Variants in MTA3 observed in about 807,000 individuals in gnomAD.
MTA3 encodes metastasis-associated protein MTA3.
Under a neutral mutation model 83.5 loss-of-function variants are expected in MTA3, and 34 were observed. That is an observed-to-expected ratio of 0.41 (90% CI 0.31 to 0.54). The LOEUF (loss-of-function observed/expected upper bound fraction) is 0.54, where lower values mean the gene tolerates loss of function less well. MTA3 is among the 20% of genes least tolerant of loss of function. MTA3 has a pLI of 0.33. For synonymous variants in MTA3, 303 were observed against 252.7 expected, an observed-to-expected ratio of 1.20 and a Z score of -1.89; for missense variants, 761 against 726.4, an observed-to-expected ratio of 1.05 and a Z score of -0.55.
In MTA3 at chr2:42,697,782, C is replaced by T; in HGVS notation, c.973C>T (p.Leu325=). The T allele has an allele frequency of 6.5e-7, 1 of 1,540,974 alleles. No individual in the cohort carries two copies. Among genetic ancestry groups the T allele is most frequent in the Non-Finnish European group, 8.7e-7 (1 of 1,144,186 alleles). ...TATTCATCTTTTGAATTAGAAACGTCTAAAAGCAGCAGAAGCTGAGAGTAA... is the reference window on the plus strand; with the variant it reads ...TATTCATCTTTTGAATTAGAAACGTTTAAAAGCAGCAGAAGCTGAGAGTAA... ...TTDRYVQQKR[L]KAAEAESKLK... is the part of the protein sequence containing the mutation. The change falls in exon 11 of 17, where the codon CTA becomes TTA. Residue 325 remains leucine, a synonymous_variant. Coordinates refer to ENST00000405094, the MANE Select transcript of MTA3 (RefSeq NM_001330442.2).
At chr2:42,565,079 C>T (rs1022687928), upstream of MTA3, among the ~76,000 whole-genome samples, 5 of 151,634 alleles carry the variant, frequency 3.3e-5, no homozygotes, top group Non-Finnish European at 4.4e-5. Flanking sequence ...CTCAGCCAAC[C>T]GGCACCAATC....
chr2:42,494,376 G>A (rs1411200067), upstream of MTA3, among the ~76,000 whole-genome samples: 1 of 151,538 alleles, frequency 6.6e-6, no homozygotes, highest in East Asian at 1.9e-4. Flanking sequence ...CTCGGGTGCG[G>A]GGACAGACGG....
chr2:42,718,594 C>T (rs1667191117), intron 14 of MTA3, among the ~76,000 whole-genome samples: 1 of 151,540 alleles, frequency 6.6e-6, no homozygotes, highest in South Asian at 2.1e-4. Flanking sequence ...GAAACCCCAT[C>T]TCTACTAAAA....
intron 4 of MTA3, among the ~76,000 whole-genome samples, chr2:42,622,661 T>A (rs541524624): frequency 1.6e-4 from 25 of 151,954 alleles, no homozygotes; most frequent in Middle Eastern, 3.4e-3. Context: ...AATTTTTGCC[T>A]ATTTTTTTTT....
chr2:42,519,855 C>A (rs1332500946), intron 2 of MTA3, among the ~76,000 whole-genome samples: 1 of 152,138 alleles, frequency 6.6e-6, no homozygotes, highest in Non-Finnish European at 1.5e-5. Flanking sequence ...TCAAGACCAT[C>A]CTGGGCAACA....
At chr2:42,566,056 C>T (rs957653604), upstream of MTA3, among the ~76,000 whole-genome samples, 1 of 151,964 alleles carries the variant, frequency 6.6e-6, no homozygotes, top group African/African-American at 2.4e-5. Flanking sequence ...TAGGTATCAA[C>T]CAGTAGTCAT....
chr2:42,582,213 A>G (rs1679744172), intron 3 of MTA3, among the ~76,000 whole-genome samples: 2 of 151,808 alleles, frequency 1.3e-5, no homozygotes, highest in South Asian at 4.2e-4. Context: ...GCCTGCCACC[A>G]CGCCCGGCTA....
At chr2:42,608,158 G>A (rs1468553392) in intron 3 of MTA3, among the ~76,000 whole-genome samples, 1 of 152,196 alleles carries the variant, frequency 6.6e-6, no homozygotes, top group Non-Finnish European at 1.5e-5. Flanking sequence ...TGTAGAGCTG[G>A]TTGCTGTTTT....
At chr2:42,542,606 T>C (rs1676571935) in intron 2 of MTA3, among the ~76,000 whole-genome samples, 1 of 152,094 alleles carries the variant, frequency 6.6e-6, no homozygotes, top group Admixed American at 6.6e-5. Context: ...GGCAAGAGTG[T>C]AGTGGCATGA....
intron 2 of MTA3, among the ~76,000 whole-genome samples, chr2:42,557,836 A>G (rs1036713752): frequency 6.6e-6 from 1 of 152,170 alleles, no homozygotes; most frequent in African/African-American, 2.4e-5. Flanking sequence ...AAAAGAGCAA[A>G]TTCTAGTCTC....
intron 4 of MTA3, among the ~76,000 whole-genome samples, chr2:42,630,529 A>C (rs539001616): frequency 7.9e-5 from 12 of 152,284 alleles, no homozygotes; most frequent in African/African-American, 2.6e-4. Context: ...GTAAATTATG[A>C]TGCTTTTATG....
Position 42,722,921 on chromosome 2 carries a change from C to T in MTA3, c.1645C>T (p.Arg549Ter). The change falls in exon 16 of 17, where the codon CGA (arginine) becomes TGA (stop). Residue 549 changes from arginine to a stop codon, truncating the protein, a stop_gained. Coordinates refer to ENST00000405094, the MANE Select transcript of MTA3 (RefSeq NM_001330442.2). LOFTEE classifies it high-confidence loss of function. ...IHPAKKPNVI[R>*]STPSLQTPTT... The stretch of plus-strand genomic sequence containing the variant: ...TCCTGCAAAGAAACCTAATGTAATT[C>T]GATCTACACCAAGCCTGCAAACCCC... 2 of 1,487,578 alleles carry T rather than the reference C, an allele frequency of 1.3e-6. No homozygotes were observed. Among genetic ancestry groups the T allele is most frequent in the Non-Finnish European group, 1.8e-6 (2 of 1,115,046 alleles). 92.1% of individuals were successfully genotyped at this position (1,487,578 alleles called of 1,614,324 possible). A position where few individuals can be genotyped will look rare whatever the true frequency, so the allele number is the denominator to read the frequency against.
chr2:42,664,548 A>G (rs1261916419), intron 8 of MTA3, among the ~76,000 whole-genome samples: 1 of 128,912 alleles, frequency 7.8e-6, no homozygotes, highest in African/African-American at 3.1e-5. Flanking sequence ...ATCTTGGCTC[A>G]CTGCAACCTC....
chr2:42,519,198 C>T (rs1274675370), intron 2 of MTA3, among the ~76,000 whole-genome samples: 2 of 152,024 alleles, frequency 1.3e-5, no homozygotes, highest in Non-Finnish European at 2.9e-5. Flanking sequence ...GGTCTTCCCC[C>T]TAAAATCTCA....
intron 15 of MTA3, among the ~76,000 whole-genome samples, chr2:42,722,283 A>G (rs1667465649): frequency 6.6e-6 from 1 of 152,238 alleles, no homozygotes. Flanking sequence ...CATATACCAC[A>G]GGCACATTAT....
intron 3 of MTA3, among the ~76,000 whole-genome samples, chr2:42,596,031 C>T (rs1365458088): frequency 1.3e-5 from 2 of 152,112 alleles, no homozygotes; most frequent in Non-Finnish European, 2.9e-5. Flanking sequence ...AATAAAAGAA[C>T]AATAAAAGGT....
At chr2:42,719,474 C>T (rs896683270) in intron 15 of MTA3, among the ~76,000 whole-genome samples, 6 of 152,142 alleles carry the variant, frequency 3.9e-5, no homozygotes, top group African/African-American at 1.4e-4. Context: ...GATTTATTTA[C>T]TTATTAAAAT....
chr2:42,740,113 C>G (rs376144232), intron 16 of MTA3, among the ~76,000 whole-genome samples: 3 of 152,348 alleles, frequency 2.0e-5, no homozygotes, highest in Admixed American at 6.5e-5. Flanking sequence ...TGAGTCCTCT[C>G]TAGCAGGTTT....
intron 8 of MTA3, among the ~76,000 whole-genome samples, chr2:42,663,232 G>A (rs1225226007): frequency 2.6e-5 from 4 of 152,144 alleles, no homozygotes; most frequent in African/African-American, 9.7e-5. Flanking sequence ...TGAGATGGTG[G>A]AGAGTTCTCG....
Sources: gnomAD v4.1 joint callset for allele counts (sites outside exome capture counted in the v4.1 genomes callset) on GRCh38, gnomAD v4.1.1 for gene constraint, MANE v1.5 for transcripts, NCBI Gene and HGNC (gene_info 2026-07-23, HGNC 2026-07-21) for gene names.